LRRIQ3: variants seen among roughly 807,000 people sequenced by gnomAD.
LRRIQ3 encodes leucine rich repeats and IQ motif containing 3, also known as leucine-rich repeat and IQ domain-containing protein 3.
Under a neutral mutation model 59.3 loss-of-function variants are expected in LRRIQ3, and 75 were observed. The ratio of observed to expected loss-of-function variants is 1.26; its 90% CI spans 1.05 to 1.53. The LOEUF (loss-of-function observed/expected upper bound fraction) is 1.53. Ranked by LOEUF, LRRIQ3 falls within the 40% of genes most tolerant of loss-of-function variation. LRRIQ3 has a pLI of 0.00. For synonymous variants in LRRIQ3, 250 were observed against 231.3 expected (o/e 1.08, Z -0.73); for missense variants, 831 against 710.0 (o/e 1.17, Z -1.94).
intron 4 of LRRIQ3, among the ~76,000 whole-genome samples, chr1:74,122,277 T>C (rs1646870592): frequency 6.6e-6 from 1 of 152,214 alleles, no homozygotes. Flanking sequence ...ATCGCTATTC[T>C]AATTGGTGTG....
At chr1:74,046,127 C>G (rs1654196123) in intron 6 of LRRIQ3, among the ~76,000 whole-genome samples, 1 of 151,994 alleles carries the variant, frequency 6.6e-6, no homozygotes, top group African/African-American at 2.4e-5. Flanking sequence ...CATATGGAAC[C>G]AAAAAAGAGC....
At chr1:74,082,039 G>A (rs1275450396) in intron 5 of LRRIQ3, 1 of 151,400 alleles carries the variant, frequency 6.6e-6, no homozygotes, top group Non-Finnish European at 1.5e-5. Context: ...AACAAAAAAG[G>A]ATAATAAATT....
chr1:74,091,308 T>C (rs926030326), intron 5 of LRRIQ3, among the ~76,000 whole-genome samples: 7 of 152,086 alleles, frequency 4.6e-5, no homozygotes, highest in Non-Finnish European at 8.8e-5. Flanking sequence ...TGGTAGAAAA[T>C]GGAAACACTA....
intron 4 of LRRIQ3, among the ~76,000 whole-genome samples, chr1:74,112,337 A>G (rs1253933214): frequency 6.6e-6 from 1 of 152,132 alleles, no homozygotes; most frequent in African/African-American, 2.4e-5. Flanking sequence ...AAGACAGTAG[A>G]GATTATGATG....
At chr1:74,119,381 T>C (rs1286632403) in intron 4 of LRRIQ3, among the ~76,000 whole-genome samples, 2 of 152,102 alleles carry the variant, frequency 1.3e-5, no homozygotes, top group Non-Finnish European at 2.9e-5. Context: ...TGTCCATTTT[T>C]TTCTGACTCA....
At chr1:74,175,704 T>C (rs1649598412) in intron 3 of LRRIQ3, among the ~76,000 whole-genome samples, 1 of 152,182 alleles carries the variant, frequency 6.6e-6, no homozygotes. Context: ...TTGGTGCTTC[T>C]GAGGGAGGGC....
At chr1:74,124,674 T>C (rs1010078759) in intron 4 of LRRIQ3, among the ~76,000 whole-genome samples, 5 of 151,996 alleles carry the variant, frequency 3.3e-5, no homozygotes, top group Admixed American at 1.3e-4. Flanking sequence ...ACTGTAGATA[T>C]ATAGATTTGG....
chr1:74,167,506 C>T (rs1203763275), intron 3 of LRRIQ3, among the ~76,000 whole-genome samples: 1 of 150,936 alleles, frequency 6.6e-6, no homozygotes, highest in Non-Finnish European at 1.5e-5. Context: ...GCACATGTAC[C>T]CCAGAACTTA....
intron 5 of LRRIQ3, chr1:74,083,511 T>C (rs1015151543): frequency 1.3e-5 from 2 of 151,700 alleles, no homozygotes; most frequent in Non-Finnish European, 3.0e-5. Flanking sequence ...TGACTGTAAG[T>C]CTCTCTGGGC....
At chr1:74,133,071 CAAAAG>C (rs763994714) in intron 4 of LRRIQ3, among the ~76,000 whole-genome samples, 2 of 152,074 alleles carry the variant, frequency 1.3e-5, no homozygotes, top group Non-Finnish European at 2.9e-5. Context: ...AGACACTTCT[CAAAAG>C]AAGACATTTA....
chr1:74,042,083 AT>A, intron 6 of LRRIQ3, 150 bp from the exon 7 acceptor site: 1 of 727,226 alleles, frequency 1.4e-6, no homozygotes, highest in Non-Finnish European at 2.0e-6. Flanking sequence ...TTGTGATTTA[AT>A]AGTAACTTTG....
Position 74,051,138 on chromosome 1 carries a change from C to T in LRRIQ3, c.998-9205G>A, listed in dbSNP as rs376452599. Among the ~76,000 whole-genome samples, 15 of 152,222 alleles carry T rather than the reference C, an allele frequency of 9.9e-5. No individual in the cohort carries two copies. In the East Asian group the frequency reaches 2.5e-3, roughly 25 times the overall value. ...AAATTAGACATTCTGTAAAGAAGTG[C>T]TATGCTGGAGCCTATTTCTTTATAT... On this transcript the variant is annotated intron_variant, in intron 6 of 7. Coordinates refer to ENST00000354431, the MANE Select transcript of LRRIQ3 (RefSeq NM_001105659.2).
At chr1:74,110,762 A>G (rs1341210914) in intron 4 of LRRIQ3, among the ~76,000 whole-genome samples, 1 of 152,112 alleles carries the variant, frequency 6.6e-6, no homozygotes, top group East Asian at 1.9e-4. Context: ...TGTATTAATG[A>G]CATACAAATT....
chr1:74,113,520 T>A (rs11804727), intron 4 of LRRIQ3, among the ~76,000 whole-genome samples: 8,095 of 152,068 alleles, frequency 0.053, 263 homozygotes, highest in South Asian at 0.086. Context: ...CTTCTTGAGC[T>A]CACGAAAAAT....
chr1:74,181,070 C>A (rs1381875894), intron 3 of LRRIQ3: 3 of 385,444 alleles, frequency 7.8e-6, no homozygotes, highest in African/African-American at 4.1e-5. Flanking sequence ...CCAGACAGTC[C>A]TTTTCATATA....
chr1:74,091,748 A>G lies in LRRIQ3; in HGVS notation c.868-16958T>C, dbSNP rs905107061. On this transcript the variant is annotated intron_variant, in intron 5 of 7. Coordinates refer to ENST00000354431, the MANE Select transcript of LRRIQ3 (RefSeq NM_001105659.2). Reference sequence around the variant, plus strand: ...GGCAAATAAATGTCTTAATAATTCAAGTGGAAAGTATCTATTTTATTTTAT... The same window carrying G: ...GGCAAATAAATGTCTTAATAATTCAGGTGGAAAGTATCTATTTTATTTTAT... Among the ~76,000 whole-genome samples, 7 of 152,214 alleles carry G rather than the reference A, an allele frequency of 4.6e-5. No individual in the cohort carries two copies. In the South Asian group the frequency reaches 1.4e-3, roughly 32 times the overall value.
chr1:74,096,012 CATTA>C (rs1646444797), intron 5 of LRRIQ3, among the ~76,000 whole-genome samples: 1 of 151,774 alleles, frequency 6.6e-6, no homozygotes, highest in Admixed American at 6.6e-5. Flanking sequence ...TTAAAGTATG[CATTA>C]ATTTATTTAA....
chr1:74,129,971 CA>C (rs141011164), intron 4 of LRRIQ3, among the ~76,000 whole-genome samples: 1 of 150,948 alleles, frequency 6.6e-6, no homozygotes, highest in African/African-American at 2.4e-5. Context: ...GCCCCCCCAC[CA>C]AAAAAAAGTC....
At chr1:74,046,512 C>T (rs1375641349) in intron 6 of LRRIQ3, among the ~76,000 whole-genome samples, 6 of 152,146 alleles carry the variant, frequency 3.9e-5, no homozygotes, top group Non-Finnish European at 8.8e-5. Flanking sequence ...AAAACCTAGG[C>T]AATACCATTC....
Sources: allele counts gnomAD v4.1 joint callset (sites outside exome capture counted in the v4.1 genomes callset), GRCh38; gene constraint gnomAD v4.1.1; transcripts MANE v1.5; gene names NCBI Gene and HGNC (gene_info 2026-07-23, HGNC 2026-07-21).